Variants in DCX observed in about 807,000 individuals in gnomAD.
DCX encodes doublecortin.
In DCX, 4 loss-of-function variants were observed where a neutral mutation model predicts 20.9. The observed-to-expected ratio is 0.19, with a 90% confidence interval of 0.09 to 0.44. DCX has a LOEUF of 0.44. Ranked by LOEUF, DCX falls within the 20% of genes least tolerant of loss-of-function variation. DCX has a pLI of 0.99. For missense variants in DCX, 133 were observed against 296.9 expected, an observed-to-expected ratio of 0.45 and a Z score of 4.06; for synonymous variants, 103 against 111.4, an observed-to-expected ratio of 0.92 and a Z score of 0.47.
chrX:111,345,651 A>G (rs781705213), intron 3 of DCX, among the ~76,000 whole-genome samples: 109 of 111,767 alleles, frequency 9.8e-4, no homozygotes, highest in Non-Finnish European at 1.8e-3. Context: ...AAAGCTCAAC[A>G]TCACTGATCA....
intron 4 of DCX, among the ~76,000 whole-genome samples, chrX:111,332,085 A>G (rs1921303687): frequency 8.9e-6 from 1 of 112,475 alleles, no homozygotes; most frequent in Non-Finnish European, 1.9e-5. Flanking sequence ...TAAATTAAAC[A>G]GAAAGATTAG....
intron 5 of DCX, among the ~76,000 whole-genome samples, chrX:111,322,011 C>T (rs377003871): frequency 1.5e-4 from 17 of 112,216 alleles, no homozygotes; most frequent in East Asian, 8.4e-4. Context: ...AATCAAGCCT[C>T]GTGGTTTTTA....
At chrX:111,367,735 A>G (rs755109280) in intron 3 of DCX, among the ~76,000 whole-genome samples, 177 of 111,292 alleles carry the variant, frequency 1.6e-3, no homozygotes, top group Non-Finnish European at 2.8e-3. Context: ...CTGCATAGCA[A>G]TGATAGCCCC....
chrX:111,333,021 G>A, intron 4 of DCX, 30 bp downstream of exon 4: 1 of 1,049,495 alleles, frequency 9.5e-7, no homozygotes, highest in Non-Finnish European at 1.3e-6. Context: ...AGAGAACAAT[G>A]GAGCAATAAA....
chrX:111,408,557 T>C (rs1928388084), intron 2 of DCX, among the ~76,000 whole-genome samples: 1 of 105,239 alleles, frequency 9.5e-6, no homozygotes, highest in Non-Finnish European at 1.9e-5. Flanking sequence ...GCCAAGATCA[T>C]GCCATTGCAC....
rs757038705 is a variant in DCX, at chrX:111,301,505, GC to G, written c.*181del. On this transcript the variant is annotated 3_prime_UTR_variant, in exon 7 of 7. Transcript: ENST00000636035. ...CATAATTGGTAACTGTGGATCAGTG[GC>G]CCAGAGGAGAAATCACAGGAAAATA... 50 of 505,883 alleles carry G rather than the reference GC, an allele frequency of 9.9e-5. No homozygotes were observed. The African/African-American group carries it at 1.1e-3, about 11-fold the overall frequency. The allele number at this position is 505,883 out of a possible 1,213,427, so 41.7% of individuals were successfully genotyped here.
intron 5 of DCX, 107 bp from the exon 6 acceptor site, chrX:111,312,843 G>T: frequency 1.3e-6 from 1 of 755,632 alleles, no homozygotes. Flanking sequence ...AAGGTACACA[G>T]ACAACCAAGT....
intron 3 of DCX, among the ~76,000 whole-genome samples, chrX:111,374,654 C>A (rs1278866237): frequency 1.8e-5 from 2 of 110,125 alleles, no homozygotes; most frequent in East Asian, 5.8e-4. Context: ...AGGGAAAAAC[C>A]AAGGTATTTC....
chrX:111,320,281 A>G (rs1304907910), intron 5 of DCX, among the ~76,000 whole-genome samples: 1 of 112,205 alleles, frequency 8.9e-6, no homozygotes, highest in Non-Finnish European at 1.9e-5. Context: ...GGGGAAAAAA[A>G]TCTGGAAAGG....
At chrX:111,358,876 G>C (rs1923973628) in intron 3 of DCX, among the ~76,000 whole-genome samples, 2 of 111,792 alleles carry the variant, frequency 1.8e-5, no homozygotes, top group African/African-American at 6.5e-5. Flanking sequence ...AAACGACCTA[G>C]GAATAAGTCT....
rs1217484433 is a variant in DCX, at chrX:111,294,148, T to C, written c.*7539A>G. 1.8e-5 allele frequency: 2 copies of C among 111,815 alleles called. No individual in the cohort carries two copies. The highest frequency in any genetic ancestry group is 1.9e-4 in the Admixed American group (2 of 10,516). The allele number at this position is 111,815 out of a possible 1,213,427, so 9.2% of individuals were successfully genotyped here. Reference sequence around the variant, plus strand: ...GGGTCAGCAAACCAAAAAAGGAGAATGCCTCTTGAAATACTGCTTTTGAAT... The same window carrying C: ...GGGTCAGCAAACCAAAAAAGGAGAACGCCTCTTGAAATACTGCTTTTGAAT... On this transcript the variant is annotated 3_prime_UTR_variant, in exon 7 of 7. Coordinates refer to ENST00000636035, the MANE Select transcript of DCX (RefSeq NM_001195553.2).
rs762150077 is a variant in DCX, at chrX:111,330,791, T to C, written c.946+113A>G. The C allele has an allele frequency of 1.9e-4, 202 of 1,064,476 alleles. 1 individual carries two copies. Among genetic ancestry groups the C allele is most frequent in the Middle Eastern group, 1.8e-3 (7 of 3,917 alleles). The allele number at this position is 1,064,476 out of a possible 1,213,427, so 87.7% of individuals were successfully genotyped here. ...TGTTTTAGTCCCTGAATTGATAGAATAGGGTTTCATGGAGACACAGTGGTG... is the reference window on the plus strand; with the variant it reads ...TGTTTTAGTCCCTGAATTGATAGAACAGGGTTTCATGGAGACACAGTGGTG... On this transcript the variant is annotated intron_variant, in intron 5 of 6. Transcript: ENST00000636035.
intron 6 of DCX, among the ~76,000 whole-genome samples, chrX:111,304,808 T>C (rs2095041435): frequency 8.9e-6 from 1 of 111,888 alleles, no homozygotes; most frequent in African/African-American, 3.3e-5. Flanking sequence ...TAAGGATCTT[T>C]GAAAAGCTCA....
chrX:111,407,596 C>A (rs1446806418), intron 2 of DCX, among the ~76,000 whole-genome samples: 1 of 111,398 alleles, frequency 9.0e-6, no homozygotes, highest in Admixed American at 9.6e-5. Context: ...TGAACAAATG[C>A]AACTGAGCCC....
At chrX:111,360,273 T>C (rs868273291) in intron 3 of DCX, among the ~76,000 whole-genome samples, 1 of 111,910 alleles carries the variant, frequency 8.9e-6, no homozygotes, top group Non-Finnish European at 1.9e-5. Flanking sequence ...AAAAAATAAT[T>C]AGAACCTGTC....
Position 111,330,990 on chromosome X carries a change from G to T in DCX, c.860C>A (p.Ser287Tyr). Residue 287 changes from serine to tyrosine, a missense_variant, in exon 5 of 7, where the codon TCC (serine) becomes TAC (tyrosine). Ser to Tyr is a moderately radical substitution (Grantham distance 144, BLOSUM62 -2). Transcript: ENST00000636035. ...NPSATAGPKA[S>Y]PTPQKTSAKS... ...GGCTGAAGTCTTCTGAGGTGTTGGGGATGCCTTTGGGCCAGCTGTGGCTGA... is the reference window on the plus strand; with the variant it reads ...GGCTGAAGTCTTCTGAGGTGTTGGGTATGCCTTTGGGCCAGCTGTGGCTGA... The T allele has an allele frequency of 8.3e-7, 1 of 1,211,872 alleles. No homozygotes were observed. The highest frequency in any genetic ancestry group is 1.1e-6 in the Non-Finnish European group (1 of 895,446).
chrX:111,378,420 T>A (rs528420207), intron 3 of DCX, among the ~76,000 whole-genome samples: 1 of 111,792 alleles, frequency 8.9e-6, no homozygotes, highest in South Asian at 3.8e-4. Context: ...GAAATCTGCA[T>A]TTTTAACAAG....
At chrX:111,376,263 G>T (rs1213911730) in intron 3 of DCX, among the ~76,000 whole-genome samples, 6 of 111,984 alleles carry the variant, frequency 5.4e-5, no homozygotes, top group Admixed American at 3.8e-4. Context: ...TTGTCTAGTG[G>T]TAAGATGAAG....
intron 2 of DCX, 85 bp from the exon 3 acceptor site, chrX:111,401,415 G>T: frequency 1.2e-6 from 1 of 858,509 alleles, no homozygotes; most frequent in Non-Finnish European, 1.7e-6. Context: ...CACTGACACT[G>T]GAGTAGAACT....
Sources: allele counts gnomAD v4.1 joint callset (sites outside exome capture counted in the v4.1 genomes callset), GRCh38; gene constraint gnomAD v4.1.1; transcripts MANE v1.5; gene names NCBI Gene and HGNC (gene_info 2026-07-23, HGNC 2026-07-21).